ANKS1B: variants seen among roughly 807,000 people sequenced by gnomAD.
ANKS1B encodes the protein ankyrin repeat and sterile alpha motif domain-containing protein 1B.
A neutral mutation model predicts 148.3 loss-of-function variants in ANKS1B; 36 were observed. The ratio of observed to expected loss-of-function variants is 0.24; its 90% CI spans 0.19 to 0.32. The LOEUF is 0.32. Ranked by LOEUF, ANKS1B falls within the 10% of genes least tolerant of loss-of-function variation. The pLI is 1.00. For missense variants in ANKS1B, 1,157 were observed against 1,542.6 expected (o/e 0.75, Z 4.19); for synonymous variants, 542 against 560.8 (o/e 0.97, Z 0.47).
chr12:99,652,721 A>C (rs994990281), intron 9 of ANKS1B, among the ~76,000 whole-genome samples: 2 of 152,202 alleles, frequency 1.3e-5, no homozygotes, highest in Non-Finnish European at 2.9e-5. Context: ...AATGGATAAT[A>C]CCAACACTGA....
At chr12:99,411,503 G>A (rs767425491) in intron 11 of ANKS1B, among the ~76,000 whole-genome samples, 9 of 152,082 alleles carry the variant, frequency 5.9e-5, no homozygotes, top group East Asian at 1.9e-4. Flanking sequence ...GAATAGCACC[G>A]CAATAAACAT....
intron 17 of ANKS1B, among the ~76,000 whole-genome samples, chr12:98,998,543 AG>A (rs1162905199): frequency 5.9e-5 from 9 of 152,226 alleles, no homozygotes; most frequent in African/African-American, 1.9e-4. Flanking sequence ...TCCTTATATG[AG>A]GGACATTGAC....
intron 17 of ANKS1B, among the ~76,000 whole-genome samples, chr12:98,913,525 C>A (rs745629832): frequency 6.6e-6 from 1 of 152,184 alleles, no homozygotes; most frequent in Non-Finnish European, 1.5e-5. Flanking sequence ...TTAAACACTG[C>A]CCACATGTTG....
intron 16 of ANKS1B, among the ~76,000 whole-genome samples, chr12:99,064,676 A>T (rs1414053653): frequency 6.6e-6 from 1 of 152,180 alleles, no homozygotes; most frequent in South Asian, 2.1e-4. Context: ...GTGCCCAGGG[A>T]GATTAACTCT....
intron 25 of ANKS1B, among the ~76,000 whole-genome samples, chr12:98,771,677 T>A (rs771384993): frequency 7.9e-5 from 12 of 152,062 alleles, no homozygotes; most frequent in Non-Finnish European, 1.3e-4. Context: ...TGGGGTTTCA[T>A]CATGTTTCTC....
chr12:99,411,847 T>C (rs1567050227), intron 11 of ANKS1B, among the ~76,000 whole-genome samples: 2 of 152,184 alleles, frequency 1.3e-5, no homozygotes, highest in Admixed American at 1.3e-4. Flanking sequence ...ATTGGATCTC[T>C]TTGACCCTTC....
At chr12:99,314,004 T>C (rs2083604752) in intron 12 of ANKS1B, among the ~76,000 whole-genome samples, 1 of 152,146 alleles carries the variant, frequency 6.6e-6, no homozygotes. Flanking sequence ...GACATGACTA[T>C]ATACTTATAA....
intron 1 of ANKS1B, among the ~76,000 whole-genome samples, chr12:99,908,078 T>A (rs989929185): frequency 2.6e-5 from 4 of 152,110 alleles, no homozygotes; most frequent in Admixed American, 1.3e-4. Context: ...AGACATAGAA[T>A]TATAACCCTA....
intron 12 of ANKS1B, among the ~76,000 whole-genome samples, chr12:99,277,473 A>C (rs2077823584): frequency 6.6e-6 from 1 of 152,236 alleles, no homozygotes; most frequent in Non-Finnish European, 1.5e-5. Context: ...ATTAAAAAGA[A>C]TATTGTTTAT....
rs200295134 is a variant in ANKS1B at position 99,858,189 on chromosome 12, G to GA, written c.135-32801dup. ...ACAAGGAACTCAAGCAAATCAGCAA[G>GA]AAAAAAACAAATAATCCCATCAAAA... On this transcript the variant is annotated intron_variant, in intron 1 of 26. Coordinates refer to ENST00000683438, the MANE Select transcript of ANKS1B (RefSeq NM_001352186.2). Among the ~76,000 whole-genome samples the GA allele has an allele frequency of 7.9e-3, 1,208 of 151,960 alleles. 14 individuals are homozygous for GA. Among genetic ancestry groups the GA allele is most frequent in the African/African-American group, 0.027 (1,140 of 41,460 alleles).
intron 1 of ANKS1B, among the ~76,000 whole-genome samples, chr12:99,838,257 A>G (rs781061733): frequency 1.3e-5 from 2 of 152,162 alleles, no homozygotes; most frequent in African/African-American, 2.4e-5. Flanking sequence ...TCTTTTTGCT[A>G]CAATTATTTA....
chr12:99,674,734 T>C (rs1369748859), intron 8 of ANKS1B, among the ~76,000 whole-genome samples: 1 of 151,734 alleles, frequency 6.6e-6, no homozygotes, highest in Non-Finnish European at 1.5e-5. Context: ...ATTTCTACTA[T>C]AAATAGTAGT....
chr12:98,951,230 T>C (rs759924106), intron 17 of ANKS1B, among the ~76,000 whole-genome samples: 48 of 152,216 alleles, frequency 3.2e-4, no homozygotes, highest in Non-Finnish European at 6.6e-4. Flanking sequence ...ACAGTACATT[T>C]GTCTTTGACT....
Position 99,318,028 on chromosome 12 carries a change from G to A in ANKS1B, c.1757-71164C>T, listed in dbSNP as rs559938603. Among the ~76,000 whole-genome samples the A allele has an allele frequency of 2.0e-5, 3 of 152,296 alleles. No individual in the cohort carries two copies. In the South Asian group the frequency reaches 6.2e-4, roughly 32 times the overall value. On this transcript the variant is annotated intron_variant, in intron 12 of 26. Coordinates refer to ENST00000683438, the MANE Select transcript of ANKS1B (RefSeq NM_001352186.2). ...TAGGGATGAAGCCCACTTGATCGTG[G>A]TGGATAAGATTTTTGATGTGCTGCT...
intron 25 of ANKS1B, among the ~76,000 whole-genome samples, chr12:98,764,945 A>G (rs930963658): frequency 1.3e-5 from 2 of 152,204 alleles, no homozygotes; most frequent in Non-Finnish European, 2.9e-5. Context: ...ATGTGTGTCT[A>G]ATGCATGGCA....
At chr12:99,393,200 G>A (rs2094136851) in intron 12 of ANKS1B, among the ~76,000 whole-genome samples, 1 of 152,106 alleles carries the variant, frequency 6.6e-6, no homozygotes, top group African/African-American at 2.4e-5. Flanking sequence ...AAAAAAAACT[G>A]TTACCCGAGG....
At chr12:99,421,048 C>G (rs1238577925) in intron 11 of ANKS1B, among the ~76,000 whole-genome samples, 2 of 152,052 alleles carry the variant, frequency 1.3e-5, no homozygotes, top group Non-Finnish European at 2.9e-5. Flanking sequence ...TAAGCCTCCC[C>G]ACAGAATTAT....
chr12:98,829,080 C>G lies in ANKS1B; in HGVS notation c.3066+94G>C. 1 of 1,414,662 alleles carries G rather than the reference C, an allele frequency of 7.1e-7. No individual in the cohort carries two copies. Among genetic ancestry groups the G allele is most frequent in the South Asian group, 1.2e-5 (1 of 83,834 alleles). The allele number at this position is 1,414,662 out of a possible 1,614,324, so 87.6% of individuals were successfully genotyped here. On this transcript the variant is annotated intron_variant, in intron 19 of 26. Coordinates refer to ENST00000683438, the MANE Select transcript of ANKS1B (RefSeq NM_001352186.2). The surrounding 1 kb of genome is among the most constrained non-coding windows in gnomAD (Gnocchi z 5.2). ...ACATGGTATAAATTCTAGTTAGGCA[C>G]GGACAATAAGCATCCATAGGAAGCT...
intron 17 of ANKS1B, among the ~76,000 whole-genome samples, chr12:98,959,540 C>A (rs2099867815): frequency 6.6e-6 from 1 of 152,172 alleles, no homozygotes; most frequent in Admixed American, 6.5e-5. Flanking sequence ...GATGGCTGAA[C>A]AAAAGCTTCA....
Sources: gnomAD v4.1 joint callset for allele counts (sites outside exome capture counted in the v4.1 genomes callset) on GRCh38, gnomAD v4.1.1 for gene constraint, Gnocchi (gnomAD v3.1) non-coding constraint, MANE v1.5 for transcripts, NCBI Gene and HGNC (gene_info 2026-07-23, HGNC 2026-07-21) for gene names.